The following TMOD1 variants were observed in gnomAD, a reference collection of about 807,000 sequenced individuals.
The protein encoded by TMOD1 is tropomodulin-1.
Under a neutral mutation model 40.6 loss-of-function variants are expected in TMOD1, and 17 were observed. The observed-to-expected ratio is 0.42, with a 90% CI of 0.29 to 0.63. TMOD1 has a LOEUF of 0.63. TMOD1 is among the 20% of genes least tolerant of loss of function. TMOD1 has a pLI of 0.22. For missense variants in TMOD1, 391 were observed against 447.6 expected, an observed-to-expected ratio of 0.87 and a Z score of 1.14; for synonymous variants, 181 against 175.0, an observed-to-expected ratio of 1.03 and a Z score of -0.27.
At chr9:97,559,772 T>TAAA (rs58522887) in intron 4 of TMOD1, among the ~76,000 whole-genome samples, 1,432 of 36,672 alleles carry the variant, frequency 0.039, 50 homozygotes, top group Non-Finnish European at 0.054. Flanking sequence ...CTCAAAAATT[T>TAAA]AAAAAAAAAA....
chr9:97,598,444 T>TAACA (rs1426458943), intron 9 of TMOD1, among the ~76,000 whole-genome samples: 2 of 151,500 alleles, frequency 1.3e-5, no homozygotes, highest in African/African-American at 4.8e-5. Flanking sequence ...GAATGGTAAC[T>TAACA]AACATTCCAG....
intron 3 of TMOD1, among the ~76,000 whole-genome samples, chr9:97,548,431 C>T (rs746705127): frequency 3.4e-4 from 52 of 152,060 alleles, no homozygotes; most frequent in African/African-American, 1.1e-3. Context: ...GAAAGGATCG[C>T]GTGGTCAGAG....
intron 8 of TMOD1, among the ~76,000 whole-genome samples, chr9:97,581,228 AGTG>A (rs1235127781): frequency 8.2e-5 from 11 of 134,676 alleles, no homozygotes; most frequent in Admixed American, 7.6e-4. Context: ...CCCACCTATG[AGTG>A]AGAATATGCG....
intron 1 of TMOD1, among the ~76,000 whole-genome samples, chr9:97,511,783 C>T (rs1829704095): frequency 6.6e-6 from 1 of 152,118 alleles, no homozygotes; most frequent in Non-Finnish European, 1.5e-5. Context: ...CAAGGTCTCA[C>T]CGTGTTGCCC....
intron 8 of TMOD1, among the ~76,000 whole-genome samples, chr9:97,588,124 TG>T (rs1225677319): frequency 6.6e-6 from 1 of 152,262 alleles, no homozygotes; most frequent in African/African-American, 2.4e-5. Context: ...AGAGTGGAAT[TG>T]CTGGGTCATA....
At chr9:97,571,673 C>A (rs1830820198) in intron 8 of TMOD1, among the ~76,000 whole-genome samples, 1 of 152,222 alleles carries the variant, frequency 6.6e-6, no homozygotes, top group Non-Finnish European at 1.5e-5. Flanking sequence ...GGCTATGCAA[C>A]CTGCCCAAGG....
chr9:97,598,065 T>C (rs1485347794), intron 9 of TMOD1, among the ~76,000 whole-genome samples: 2 of 152,018 alleles, frequency 1.3e-5, no homozygotes, highest in East Asian at 1.9e-4. Flanking sequence ...CGGTGGCTCA[T>C]GCCTGTAATC....
At chr9:97,558,119 C>A (rs1353192713) in intron 4 of TMOD1, among the ~76,000 whole-genome samples, 1 of 152,232 alleles carries the variant, frequency 6.6e-6, no homozygotes, top group African/African-American at 2.4e-5. Context: ...CTTCCTTCCT[C>A]TTTCCCTCCT....
chr9:97,528,397 G>A (rs1830048382), intron 2 of TMOD1, among the ~76,000 whole-genome samples: 1 of 152,198 alleles, frequency 6.6e-6, no homozygotes, highest in African/African-American at 2.4e-5. Flanking sequence ...TGGTTTCCCA[G>A]TTGGCATTTT....
chr9:97,528,346 C>G (rs1830047877), intron 2 of TMOD1, among the ~76,000 whole-genome samples: 1 of 152,158 alleles, frequency 6.6e-6, no homozygotes, highest in Non-Finnish European at 1.5e-5. Context: ...GGTGTGGGAG[C>G]AGGCATGGGC....
rs1388552276 is a variant in TMOD1, at chr9:97,502,117, CGGCGCCCCGGGCTGGGGTCCTGGCGGAGG to C, written c.-49+323_-49+351del. ...GAAGGACCCGGGGTTCTGGAGGAGACGGCGCCCCGGGCTGGGGTCCTGGCGGAGGGGCGCCCCCGCCACCCGCAGGACTC... is the reference window on the plus strand; with the variant it reads ...GAAGGACCCGGGGTTCTGGAGGAGACGGCGCCCCCGCCACCCGCAGGACTC... On this transcript the variant is annotated intron_variant, in intron 1 of 9. Coordinates refer to ENST00000259365, the MANE Select transcript of TMOD1 (RefSeq NM_003275.4). This position sits in a 1 kb window ranked among gnomAD's most constrained non-coding sequence, Gnocchi z 6.1. Among the ~76,000 whole-genome samples, 1 of 152,008 alleles carries C rather than the reference CGGCGCCCCGGGCTGGGGTCCTGGCGGAGG, an allele frequency of 6.6e-6. No homozygotes were observed. Among genetic ancestry groups the C allele is most frequent in the Non-Finnish European group, 1.5e-5 (1 of 67,966 alleles).
At chr9:97,523,122 G>C (rs1235182831) in intron 1 of TMOD1, among the ~76,000 whole-genome samples, 1 of 152,070 alleles carries the variant, frequency 6.6e-6, no homozygotes, top group African/African-American at 2.4e-5. Context: ...AGATCTTCAA[G>C]GTATAAAAAA....
intron 1 of TMOD1, among the ~76,000 whole-genome samples, chr9:97,515,405 A>G (rs1829789261): frequency 1.3e-5 from 2 of 152,036 alleles, no homozygotes; most frequent in South Asian, 4.2e-4. Context: ...TCAGCCTCCC[A>G]AGTAGCTGGG....
At chr9:97,512,332 G>T (rs1308469884) in intron 1 of TMOD1, among the ~76,000 whole-genome samples, 1 of 152,196 alleles carries the variant, frequency 6.6e-6, no homozygotes. Flanking sequence ...ATGTAAAATT[G>T]TAAAATTACT....
chr9:97,586,882 C>G (rs1430644566), intron 8 of TMOD1, among the ~76,000 whole-genome samples: 2 of 152,330 alleles, frequency 1.3e-5, no homozygotes, highest in African/African-American at 4.8e-5. Flanking sequence ...GGTGCACGCA[C>G]CCACTGACCC....
chr9:97,541,497 A>G (rs925484234), intron 2 of TMOD1, among the ~76,000 whole-genome samples: 3 of 150,716 alleles, frequency 2.0e-5, no homozygotes, highest in African/African-American at 7.3e-5. Flanking sequence ...CCACTTGACC[A>G]TTTTTATTTT....
chr9:97,569,219 G>A (rs559162643), intron 8 of TMOD1, among the ~76,000 whole-genome samples, 182 bp downstream of exon 8: 3 of 152,080 alleles, frequency 2.0e-5, no homozygotes, highest in Admixed American at 6.6e-5. Context: ...CTTCTTCATC[G>A]CTTCCACTAC....
intron 8 of TMOD1, among the ~76,000 whole-genome samples, chr9:97,586,602 G>T (rs1825876744): frequency 6.6e-6 from 1 of 152,020 alleles, no homozygotes; most frequent in Admixed American, 6.5e-5. Flanking sequence ...CCCTCCCCCA[G>T]CCTCGCTGCC....
At chr9:97,506,433 C>T (rs1016081919) in intron 1 of TMOD1, among the ~76,000 whole-genome samples, 5 of 152,158 alleles carry the variant, frequency 3.3e-5, no homozygotes, top group African/African-American at 1.2e-4. Context: ...TGAATGAATG[C>T]ATGAAATAAA....
Sources: allele counts gnomAD v4.1 joint callset (sites outside exome capture counted in the v4.1 genomes callset), GRCh38; gene constraint gnomAD v4.1.1; non-coding constraint Gnocchi (gnomAD v3.1); transcripts MANE v1.5; gene names NCBI Gene and HGNC (gene_info 2026-07-23, HGNC 2026-07-21).